Variants in PDE6D observed in about 807,000 individuals in gnomAD.
The protein encoded by PDE6D is retinal rod rhodopsin-sensitive cGMP 3',5'-cyclic phosphodiesterase subunit delta.
Under a neutral mutation model 21.9 loss-of-function variants are expected in PDE6D, and 10 were observed. The ratio of observed to expected loss-of-function variants is 0.46; its 90% CI spans 0.28 to 0.78. The LOEUF (loss-of-function observed/expected upper bound fraction) is 0.78, where lower values mean the gene tolerates loss of function less well. PDE6D is among the 30% of genes least tolerant of loss of function. The probability of loss-of-function intolerance (pLI) is 0.12; values close to 1 mark genes in which losing one functional copy is unlikely to be tolerated. For synonymous variants in PDE6D, 59 were observed against 63.5 expected (o/e 0.93, Z 0.34); for missense variants, 139 against 184.8 (o/e 0.75, Z 1.44).
At chr2:231,779,846 A>C (rs1418312300) in intron 1 of PDE6D, among the ~76,000 whole-genome samples, 1 of 152,228 alleles carries the variant, frequency 6.6e-6, no homozygotes, top group Non-Finnish European at 1.5e-5. Flanking sequence ...ATGTATTACC[A>C]ACTTGGTTTC....
At chr2:231,779,752 G>GT (rs1179315897) in intron 1 of PDE6D, among the ~76,000 whole-genome samples, 4 of 152,172 alleles carry the variant, frequency 2.6e-5, no homozygotes, top group Non-Finnish European at 4.4e-5. Context: ...ACAGCCTTTA[G>GT]TTTTTTTAAA....
At chr2:231,753,376 A>AC (rs962348268) in intron 1 of PDE6D, among the ~76,000 whole-genome samples, 5 of 150,734 alleles carry the variant, frequency 3.3e-5, no homozygotes, top group African/African-American at 1.2e-4. Context: ...TACAAAAAAA[A>AC]CCCCAAAAAA....
chr2:231,774,002 C>T (rs535616955), intron 1 of PDE6D, among the ~76,000 whole-genome samples: 36 of 152,096 alleles, frequency 2.4e-4, no homozygotes, highest in Non-Finnish European at 1.5e-4. Context: ...GGCGTGATCT[C>T]GGCTCACTGC....
intron 1 of PDE6D, among the ~76,000 whole-genome samples, chr2:231,768,250 A>C (rs2048988134): frequency 6.6e-6 from 1 of 152,144 alleles, no homozygotes; most frequent in Non-Finnish European, 1.5e-5. Context: ...AATTCCAAGA[A>C]TTTGTTTGGT....
At chr2:231,751,343 T>C (rs559914579) in intron 1 of PDE6D, among the ~76,000 whole-genome samples, 1 of 152,278 alleles carries the variant, frequency 6.6e-6, no homozygotes, top group African/African-American at 2.4e-5. Flanking sequence ...ACATTTTTTA[T>C]AGAGATGGGG....
chr2:231,771,828 T>C (rs1157247950), intron 1 of PDE6D, among the ~76,000 whole-genome samples: 1 of 152,204 alleles, frequency 6.6e-6, no homozygotes, highest in African/African-American at 2.4e-5. Context: ...AAAAAAGTAC[T>C]TGTTAAGTAA....
At chr2:231,761,223 G>A (rs1298389749) in intron 1 of PDE6D, among the ~76,000 whole-genome samples, 1 of 151,262 alleles carries the variant, frequency 6.6e-6, no homozygotes, top group East Asian at 1.9e-4. Context: ...CGCCCAGGTT[G>A]GACTGCAGTG....
In PDE6D at chr2:231,739,386, T is replaced by A; in HGVS notation, c.51-198A>T. 1 of 698,818 alleles carries A rather than the reference T, an allele frequency of 1.4e-6. No individual in the cohort carries two copies. The highest frequency in any genetic ancestry group is 2.6e-6 in the Non-Finnish European group (1 of 377,442). 43.3% of individuals were successfully genotyped at this position (698,818 alleles called of 1,614,324 possible). ...AGGAAGAAGCAGAAACCTAGAGAAG[T>A]TACTTTTATCTATGAGAATCCTAAG... is the stretch of plus-strand genomic sequence containing the variant. On this transcript the variant is annotated intron_variant, in intron 1 of 4. Coordinates refer to ENST00000287600, the MANE Select transcript of PDE6D (RefSeq NM_002601.4). The surrounding 1 kb of genome is among the most constrained non-coding windows in gnomAD (Gnocchi z 4.2).
chr2:231,738,104 T>C lies in PDE6D; in HGVS notation c.174A>G (p.Ala58=), dbSNP rs139835658. 1.0e-4 allele frequency: 161 copies of C among 1,613,418 alleles called. No homozygotes were observed. Among genetic ancestry groups the C allele is most frequent in the Non-Finnish European group, 1.2e-4 (147 of 1,179,664 alleles). Residue 58 remains alanine (A), a synonymous_variant, in exon 3 of 5, where the codon GCA becomes GCG. Coordinates refer to ENST00000287600, the MANE Select transcript of PDE6D (RefSeq NM_002601.4). ...AAGAAAAATTAAGTTCTCGAGACAC[T>C]GCCTTGCACTTGAGGATTTTCTTGG... ...RVPKKILKCK[A]VSRELNFSST...
chr2:231,780,439 G>T (rs534134365), intron 1 of PDE6D, among the ~76,000 whole-genome samples: 1 of 152,144 alleles, frequency 6.6e-6, no homozygotes, highest in Non-Finnish European at 1.5e-5. Flanking sequence ...AGACGAGGTC[G>T]ATCTTGGACT....
intron 1 of PDE6D, among the ~76,000 whole-genome samples, chr2:231,743,716 T>TTA (rs2048769676): frequency 1.5e-5 from 1 of 65,316 alleles, no homozygotes; most frequent in Admixed American, 1.4e-4. Context: ...CAAACTCCAC[T>TTA]TTTTTTTTTT....
At chr2:231,767,824 GTTTC>G (rs1246920426) in intron 1 of PDE6D, among the ~76,000 whole-genome samples, 8 of 140,366 alleles carry the variant, frequency 5.7e-5, no homozygotes, top group South Asian at 4.5e-4. Context: ...ATTATACTTT[GTTTC>G]TTTAACTATT....
At chr2:231,734,106 C>T (rs113272407) in intron 4 of PDE6D, among the ~76,000 whole-genome samples, 15 of 151,584 alleles carry the variant, frequency 9.9e-5, no homozygotes, top group African/African-American at 2.4e-5. Flanking sequence ...CCCAGCTACT[C>T]GGGAGGCTGA....
chr2:231,758,013 C>T (rs1467814221), intron 1 of PDE6D, among the ~76,000 whole-genome samples: 2 of 152,168 alleles, frequency 1.3e-5, no homozygotes, highest in Admixed American at 6.5e-5. Flanking sequence ...CCACAGATTA[C>T]TGGGTTTAAT....
At chr2:231,743,448 A>AT (rs1234801666) in intron 1 of PDE6D, among the ~76,000 whole-genome samples, 3 of 151,760 alleles carry the variant, frequency 2.0e-5, no homozygotes, top group South Asian at 2.1e-4. Flanking sequence ...AAAAAAAAAA[A>AT]AGAAAAGTCT....
chr2:231,737,410 T>C (rs2048710408), intron 3 of PDE6D, 118 bp from the exon 4 acceptor site: 1 of 589,216 alleles, frequency 1.7e-6, no homozygotes, highest in Non-Finnish European at 3.0e-6. Flanking sequence ...AAGGAAGCTA[T>C]CAGCAACCTC....
chr2:231,741,113 CAAAAAAAAAAAA>C (rs56947117), intron 1 of PDE6D, among the ~76,000 whole-genome samples: 22 of 54,864 alleles, frequency 4.0e-4, no homozygotes, highest in African/African-American at 1.6e-3. Context: ...AACCCTGTCT[CAAAAAAAAAAAA>C]AAAAAAAAAA....
intron 1 of PDE6D, among the ~76,000 whole-genome samples, chr2:231,778,337 T>C (rs752221481): frequency 6.6e-6 from 1 of 152,030 alleles, no homozygotes; most frequent in Non-Finnish European, 1.5e-5. Context: ...AGACAATACA[T>C]TGAAAGAAAA....
At chr2:231,734,572 T>G (rs1192801525) in intron 4 of PDE6D, among the ~76,000 whole-genome samples, 1 of 151,716 alleles carries the variant, frequency 6.6e-6, no homozygotes, top group Non-Finnish European at 1.5e-5. Flanking sequence ...CCGGGCATGG[T>G]GGCTCATGCC....
Sources: allele counts gnomAD v4.1 joint callset (sites outside exome capture counted in the v4.1 genomes callset), GRCh38; gene constraint gnomAD v4.1.1; non-coding constraint Gnocchi (gnomAD v3.1); transcripts MANE v1.5; gene names NCBI Gene and HGNC (gene_info 2026-07-23, HGNC 2026-07-21).